EBF3: variants seen among roughly 807,000 people sequenced by gnomAD.
EBF3 encodes transcription factor COE3.
A neutral mutation model predicts 77.1 loss-of-function variants in EBF3; 18 were observed. That is an observed-to-expected ratio of 0.23 (90% CI 0.16 to 0.35). The LOEUF (loss-of-function observed/expected upper bound fraction) is 0.35. EBF3 is among the 10% of genes least tolerant of loss of function. EBF3 has a pLI of 1.00. For synonymous variants in EBF3, 350 were observed against 343.5 expected (o/e 1.02, Z -0.21); for missense variants, 558 against 860.0 (o/e 0.65, Z 4.39).
At chr10:129,953,624 G>A (rs1858832976) in intron 6 of EBF3, among the ~76,000 whole-genome samples, 1 of 152,228 alleles carries the variant, frequency 6.6e-6, no homozygotes, top group Non-Finnish European at 1.5e-5. Flanking sequence ...GCCCCGCCGA[G>A]CCCGCTCCCA....
In EBF3 at chr10:129,897,033, G is replaced by A. The variant is rs78478536; in HGVS notation, c.555-19184C>T. ...TAATCAAGCATCGAGGACAGGCACC[G>A]CCAGCCTGATTGCCAGCCATGGCCA... is the stretch of plus-strand genomic sequence containing the variant. On this transcript the variant is annotated intron_variant, in intron 6 of 16. Coordinates refer to ENST00000440978, the MANE Select transcript of EBF3 (RefSeq NM_001375380.1). The surrounding 1 kb of genome is among the most constrained non-coding windows in gnomAD (Gnocchi z 4.6). Among the ~76,000 whole-genome samples the A allele has an allele frequency of 0.037, 5,646 of 152,304 alleles. 233 individuals are homozygous for A. Among genetic ancestry groups the A allele is most frequent in the African/African-American group, 0.11 (4,384 of 41,564 alleles).
chr10:129,839,890 C>T (rs1024311493), intron 15 of EBF3, among the ~76,000 whole-genome samples: 1 of 152,246 alleles, frequency 6.6e-6, no homozygotes, highest in African/African-American at 2.4e-5. Context: ...GGGCAAAGGC[C>T]CATTGGCTGA....
At chr10:129,886,391 C>T (rs1471719192) in intron 6 of EBF3, among the ~76,000 whole-genome samples, 1 of 152,244 alleles carries the variant, frequency 6.6e-6, no homozygotes, top group African/African-American at 2.4e-5. Context: ...AAAGCCTTAA[C>T]TTCATTACTC....
At position 129,912,917 on chromosome 10, in the gene EBF3, T is replaced by C. The variant is rs75791637; in HGVS notation, c.555-35068A>G. On this transcript the variant is annotated intron_variant, in intron 6 of 16. Transcript: ENST00000440978. ...ACAAGAAAGCAGTACTGAGTGACAT[T>C]TGAAACACATCTAAGTCGACCTGAT... Among the ~76,000 whole-genome samples, 1,363 of 152,330 alleles carry C rather than the reference T, an allele frequency of 8.9e-3. 18 individuals are homozygous for C. Among genetic ancestry groups the C allele is most frequent in the African/African-American group, 0.031 (1,271 of 41,570 alleles).
chr10:129,839,553 T>C (rs1025862305), intron 15 of EBF3, among the ~76,000 whole-genome samples: 3 of 152,098 alleles, frequency 2.0e-5, no homozygotes, highest in African/African-American at 7.2e-5. Context: ...CCTGATTCTT[T>C]GAAAGAGATC....
At position 129,835,944 on chromosome 10, in the gene EBF3, G is replaced by A. The variant is rs549138771; in HGVS notation, c.*1999C>T. 7.2e-5 allele frequency: 11 copies of A among 152,308 alleles called. No individual in the cohort carries two copies. The highest frequency in any genetic ancestry group is 2.2e-4 in the African/African-American group (9 of 41,436). The allele number at this position is 152,308 out of a possible 1,614,324, so 9.4% of individuals were successfully genotyped here. On this transcript the variant is annotated 3_prime_UTR_variant, in exon 17 of 17. Transcript: ENST00000440978. The stretch of plus-strand genomic sequence containing the variant: ...GAGGTCATTCCAGTTTTAAAAGTAC[G>A]GACAGTGCTGTTGGAACTGACCACA...
At chr10:129,937,721 C>T (rs557119820) in intron 6 of EBF3, among the ~76,000 whole-genome samples, 1 of 152,278 alleles carries the variant, frequency 6.6e-6, no homozygotes, top group Non-Finnish European at 1.5e-5. Context: ...CATCTCCTCA[C>T]CATGGCCCAC....
rs974261435 is a variant in EBF3 at position 129,889,238 on chromosome 10, C to T, written c.555-11389G>A. ...CAACGCCCCTCCATGTCACTGCCCT[C>T]CCGCTGGGGCAGGGTCTACAGAGAG... On this transcript the variant is annotated intron_variant, in intron 6 of 16. Coordinates refer to ENST00000440978, the MANE Select transcript of EBF3 (RefSeq NM_001375380.1). 2.6e-4 allele frequency among the ~76,000 whole-genome samples: 40 copies of T among 152,376 alleles called. 1 individual carries two copies. The highest frequency in any genetic ancestry group is 9.1e-4 in the African/African-American group (38 of 41,590).
chr10:129,874,694 C>A (rs757176979), intron 7 of EBF3, among the ~76,000 whole-genome samples: 3 of 152,154 alleles, frequency 2.0e-5, no homozygotes, highest in East Asian at 1.9e-4. Flanking sequence ...CAGCACCACC[C>A]GAGGGAACCA....
chr10:129,894,356 GCTGAGGACTCACTTGTCAA>G (rs1472035217), intron 6 of EBF3, among the ~76,000 whole-genome samples: 1 of 152,184 alleles, frequency 6.6e-6, no homozygotes, highest in Non-Finnish European at 1.5e-5. Context: ...CACAACGAGG[GCTGAGGACTCACTTGTCAA>G]CCCTGAGCCT....
chr10:129,960,051 G>A (rs993767244), intron 4 of EBF3, among the ~76,000 whole-genome samples: 4 of 151,956 alleles, frequency 2.6e-5, no homozygotes, highest in Non-Finnish European at 4.4e-5. Flanking sequence ...ACCCGAGCTG[G>A]GGATCGGGAG....
Position 129,841,056 on chromosome 10 carries a change from A to G in EBF3, c.1373-24T>C. ...GACTGTTGAAATCCCCCCCCCGGCC[A>G]AAAATAACATTATTATCAGCGACAG... On this transcript the variant is annotated intron_variant, in intron 13 of 16. Transcript: ENST00000440978. This position sits in a 1 kb window ranked among gnomAD's most constrained non-coding sequence, Gnocchi z 4.6. The G allele has an allele frequency of 1.0e-6, 1 of 1,004,930 alleles. No homozygotes were observed. 62.3% of individuals were successfully genotyped at this position (1,004,930 alleles called of 1,614,324 possible). A position where few individuals can be genotyped will look rare whatever the true frequency, so the allele number is the denominator to read the frequency against.
At position 129,897,989 on chromosome 10, in the gene EBF3, C is replaced by T. The variant is rs1021223077; in HGVS notation, c.555-20140G>A. ...CAACAGAAGAGAGCCCGAGCTGACC[C>T]GTTGCTGTATTAAATTTTCATATGA... On this transcript the variant is annotated intron_variant, in intron 6 of 16. Transcript: ENST00000440978. This position sits in a 1 kb window ranked among gnomAD's most constrained non-coding sequence, Gnocchi z 4.6. Among the ~76,000 whole-genome samples, 15 of 152,142 alleles carry T rather than the reference C, an allele frequency of 9.9e-5. No homozygotes were observed. Among genetic ancestry groups the T allele is most frequent in the African/African-American group, 3.6e-4 (15 of 41,434 alleles).
Position 129,841,012 on chromosome 10 carries a change from T to G in EBF3, c.1393A>C (p.Ser465Arg). 6.2e-7 allele frequency: 1 copy of G among 1,611,012 alleles called. No homozygotes were observed. The highest frequency in any genetic ancestry group is 1.1e-5 in the South Asian group (1 of 90,822). The change falls in exon 14 of 17, where the codon AGC (serine) becomes CGC (arginine). Residue 465 changes from serine (S) to arginine (R), a missense_variant. Ser to Arg is a moderately radical substitution (Grantham distance 110, BLOSUM62 -1). Coordinates refer to ENST00000440978, the MANE Select transcript of EBF3 (RefSeq NM_001375380.1). This position sits in a 1 kb window ranked among gnomAD's most constrained non-coding sequence, Gnocchi z 4.6. Reference sequence around the variant, plus strand: ...ACGTAGCCTCGCGGGGACACGCTGCTTGTATTGCGACTGTAGCCGACTGTT... The same window carrying G: ...ACGTAGCCTCGCGGGGACACGCTGCGTGTATTGCGACTGTAGCCGACTGTT... ...NDQVGYSRNT[S>R]SVSPRGYVPS... is the part of the protein sequence containing the mutation.
chr10:129,928,849 T>C (rs1856833975), intron 6 of EBF3, among the ~76,000 whole-genome samples: 1 of 152,274 alleles, frequency 6.6e-6, no homozygotes, highest in South Asian at 2.1e-4. Flanking sequence ...TGTGATGTGC[T>C]ATCAGGAGAA....
At chr10:129,869,136 T>C (rs919600802) in intron 8 of EBF3, among the ~76,000 whole-genome samples, 8 of 152,156 alleles carry the variant, frequency 5.3e-5, no homozygotes, top group African/African-American at 1.9e-4. Flanking sequence ...GCCTCAGTCC[T>C]CCAAGAGAAG....
chr10:129,898,445 G>T (rs932746328), intron 6 of EBF3, among the ~76,000 whole-genome samples: 4 of 152,204 alleles, frequency 2.6e-5, no homozygotes. Context: ...GCAACAATGG[G>T]ATATCGGTGG....
At chr10:129,908,771 C>T (rs757218597) in intron 6 of EBF3, among the ~76,000 whole-genome samples, 28 of 152,204 alleles carry the variant, frequency 1.8e-4, no homozygotes, top group Non-Finnish European at 3.1e-4. Flanking sequence ...GTTCAATTTC[C>T]GCCTCCTTTC....
chr10:129,958,230 T>C (rs1400715612), intron 5 of EBF3, among the ~76,000 whole-genome samples: 1 of 152,236 alleles, frequency 6.6e-6, no homozygotes, highest in Non-Finnish European at 1.5e-5. Context: ...AGGCGGAGTA[T>C]GCCCCTCAGA....
Sources: gnomAD v4.1 joint callset for allele counts (sites outside exome capture counted in the v4.1 genomes callset) on GRCh38, gnomAD v4.1.1 for gene constraint, Gnocchi (gnomAD v3.1) non-coding constraint, MANE v1.5 for transcripts, NCBI Gene and HGNC (gene_info 2026-07-23, HGNC 2026-07-21) for gene names.